The following KIAA2012 variants were observed in gnomAD, a reference collection of about 807,000 sequenced individuals.
KIAA2012 encodes uncharacterized protein KIAA2012.
KIAA2012 carries 125 observed loss-of-function variants against 150.6 expected under a neutral mutation model. The observed-to-expected ratio is 0.83, with a 90% CI of 0.72 to 0.96. KIAA2012 has a LOEUF of 0.96. KIAA2012 is among the 40% of genes least tolerant of loss of function. The pLI is 0.00. For missense variants in KIAA2012, 1,219 were observed against 1,354.9 expected (o/e 0.90, Z 1.57); for synonymous variants, 462 against 504.7 (o/e 0.92, Z 1.13).
intron 12 of KIAA2012, among the ~76,000 whole-genome samples, chr2:202,130,902 C>T (rs7603748): frequency 0.35 from 52,683 of 151,210 alleles, 9,396 homozygotes; most frequent in East Asian, 0.59. Flanking sequence ...GGCAACAGAG[C>T]GAGACTCCAT....
At chr2:202,092,962 T>C in intron 3 of KIAA2012, 68 bp from the exon 4 acceptor site, 2 of 1,379,306 alleles carry the variant, frequency 1.5e-6, no homozygotes, top group Non-Finnish European at 2.0e-6. Flanking sequence ...AGGAACCTTG[T>C]AGTTACCACC....
At chr2:202,147,408 G>A (rs764694754) in intron 13 of KIAA2012, among the ~76,000 whole-genome samples, 1 of 152,186 alleles carries the variant, frequency 6.6e-6, no homozygotes, top group Non-Finnish European at 1.5e-5. Context: ...TGTGTCAGCA[G>A]GGCACCACGG....
chr2:202,171,112 TAC>T (rs10532176), intron 15 of KIAA2012, among the ~76,000 whole-genome samples: 27,525 of 149,670 alleles, frequency 0.18, 2,832 homozygotes, highest in Middle Eastern at 0.25. Flanking sequence ...AAAGAAATAC[TAC>T]ACACACACAC....
At chr2:202,098,826 G>A (rs1338342363) in intron 5 of KIAA2012, among the ~76,000 whole-genome samples, 30 of 149,650 alleles carry the variant, frequency 2.0e-4, no homozygotes, top group African/African-American at 6.7e-4. Context: ...GTGTGCACGC[G>A]CGCGCGCGCG....
chr2:202,112,871 C>A (rs966778887), intron 10 of KIAA2012, among the ~76,000 whole-genome samples: 1 of 152,210 alleles, frequency 6.6e-6, no homozygotes, highest in African/African-American at 2.4e-5. Flanking sequence ...CCTGGCATCA[C>A]CAAGCCATCC....
rs530462677 is a variant in KIAA2012, at chr2:202,113,566, A to G, written c.1762+120A>G. On this transcript the variant is annotated intron_variant, in intron 11 of 23. Coordinates refer to ENST00000498697, the MANE Select transcript of KIAA2012 (RefSeq NM_001277372.4). ...CATTAAAAACAGACGCAAGTCAGCC[A>G]GTTTCTCCCCTTTCACCGACACAGA... 4.9e-5 allele frequency: 32 copies of G among 648,204 alleles called. No homozygotes were observed. The East Asian group carries it at 6.9e-4, about 14-fold the overall frequency. 40.2% of individuals were successfully genotyped at this position (648,204 alleles called of 1,614,324 possible).
At chr2:202,149,581 G>A (rs1691381568) in intron 13 of KIAA2012, among the ~76,000 whole-genome samples, 1 of 152,228 alleles carries the variant, frequency 6.6e-6, no homozygotes, top group African/African-American at 2.4e-5. Context: ...GAGTGTTGCA[G>A]CCTCCTTAAT....
At chr2:202,175,902 T>C (rs1479159975) in intron 15 of KIAA2012, among the ~76,000 whole-genome samples, 1 of 152,134 alleles carries the variant, frequency 6.6e-6, no homozygotes, top group Non-Finnish European at 1.5e-5. Context: ...CAGAAGAGAA[T>C]AGAGAATCCA....
intron 21 of KIAA2012, among the ~76,000 whole-genome samples, chr2:202,195,347 G>A (rs35632316): frequency 0.37 from 55,560 of 151,082 alleles, 11,819 homozygotes; most frequent in Non-Finnish European, 0.47. Context: ...GCAGAACCCC[G>A]TCTCTACTAA....
At chr2:202,148,893 T>TA (rs1162654683) in intron 13 of KIAA2012, among the ~76,000 whole-genome samples, 1 of 152,054 alleles carries the variant, frequency 6.6e-6, no homozygotes, top group Non-Finnish European at 1.5e-5. Flanking sequence ...CGGATCCCCT[T>TA]CCTAGGCAGT....
At chr2:202,172,690 G>C (rs957834399) in intron 15 of KIAA2012, among the ~76,000 whole-genome samples, 1 of 152,222 alleles carries the variant, frequency 6.6e-6, no homozygotes, top group Non-Finnish European at 1.5e-5. Context: ...TGTAATGATT[G>C]CCTGACCTGT....
At chr2:202,125,932 CTGCTT>C in intron 12 of KIAA2012, 2 of 226,388 alleles carry the variant, frequency 8.8e-6, no homozygotes, top group South Asian at 6.8e-5. Flanking sequence ...GTGTTCCTGG[CTGCTT>C]TTTTTTTTTT....
intron 14 of KIAA2012, among the ~76,000 whole-genome samples, chr2:202,161,204 G>A (rs922165191): frequency 3.3e-5 from 5 of 152,136 alleles, no homozygotes; most frequent in Non-Finnish European, 7.4e-5. Context: ...TGCAGGACCT[G>A]TACTTCAGCC....
chr2:202,201,254 C>T (rs1692517081), intron 22 of KIAA2012: 1 of 1,526,422 alleles, frequency 6.6e-7, no homozygotes, highest in African/African-American at 1.4e-5. Context: ...GTTGGGGCAC[C>T]AGAAAGACAT....
At chr2:202,161,218 G>A (rs889541449) in intron 14 of KIAA2012, among the ~76,000 whole-genome samples, 13 of 152,098 alleles carry the variant, frequency 8.5e-5, no homozygotes, top group African/African-American at 3.1e-4. Context: ...TTCAGCCACC[G>A]GAGAAAGCGC....
intron 14 of KIAA2012, among the ~76,000 whole-genome samples, chr2:202,155,140 C>G (rs1559222600): frequency 6.6e-6 from 1 of 152,164 alleles, no homozygotes; most frequent in Non-Finnish European, 1.5e-5. Context: ...ATAATTGTTA[C>G]TGTTTTACCA....
chr2:202,100,230 G>A (rs1575011062), intron 6 of KIAA2012, 77 bp from the exon 7 acceptor site: 16 of 1,424,284 alleles, frequency 1.1e-5, no homozygotes, highest in Middle Eastern at 1.8e-4. Flanking sequence ...TAACTACGAC[G>A]TGATAAAAGT....
chr2:202,113,516 C>A, intron 11 of KIAA2012, 70 bp downstream of exon 11: 2 of 1,070,798 alleles, frequency 1.9e-6, no homozygotes, highest in Non-Finnish European at 2.7e-6. Context: ...CTGCAGCTTC[C>A]AAATTTTCCC....
intron 13 of KIAA2012, among the ~76,000 whole-genome samples, chr2:202,154,418 G>T (rs1691483687): frequency 6.6e-6 from 1 of 152,100 alleles, no homozygotes; most frequent in African/African-American, 2.4e-5. Flanking sequence ...GTTGTTGTGA[G>T]GGTTAAATAA....
Sources: allele counts gnomAD v4.1 joint callset (sites outside exome capture counted in the v4.1 genomes callset), GRCh38; gene constraint gnomAD v4.1.1; transcripts MANE v1.5; gene names NCBI Gene and HGNC (gene_info 2026-07-23, HGNC 2026-07-21).